RRAD: variants seen among roughly 807,000 people sequenced by gnomAD.
RRAD encodes the protein GTP-binding protein RAD.
Under a neutral mutation model 24.7 loss-of-function variants are expected in RRAD, and 15 were observed. The observed-to-expected ratio is 0.61, with a 90% CI of 0.41 to 0.93. The LOEUF (loss-of-function observed/expected upper bound fraction) is 0.93. Among genes scored for constraint, RRAD ranks in the 40% least tolerant of loss-of-function variants. The pLI is 0.00. For missense variants in RRAD, 438 were observed against 452.2 expected (o/e 0.97, Z 0.29); for synonymous variants, 180 against 189.8 (o/e 0.95, Z 0.43).
At position 66,923,051 on chromosome 16, in the gene RRAD, C is replaced by T. The variant is rs542793225; in HGVS notation, c.649+465G>A. Among the ~76,000 whole-genome samples the T allele has an allele frequency of 7.2e-5, 11 of 152,288 alleles. No homozygotes were observed. Among genetic ancestry groups the T allele is most frequent in the Admixed American group, 1.3e-4 (2 of 15,302 alleles). On this transcript the variant is annotated intron_variant, in intron 4 of 4. Transcript: ENST00000299759. This position sits in a 1 kb window ranked among gnomAD's most constrained non-coding sequence, Gnocchi z 4.9. Reference sequence around the variant, plus strand: ...TGAATGATCCAGTGGACTGGGGTTGCGGAGGCAAGGTCACCAAGTCACTGC... The same window carrying T: ...TGAATGATCCAGTGGACTGGGGTTGTGGAGGCAAGGTCACCAAGTCACTGC...
In RRAD at chr16:66,923,173, T is replaced by G. The variant is rs1962940826; in HGVS notation, c.649+343A>C. 6.6e-6 allele frequency among the ~76,000 whole-genome samples: 1 copy of G among 152,056 alleles called. No homozygotes were observed. Among genetic ancestry groups the G allele is most frequent in the Admixed American group, 6.5e-5 (1 of 15,270 alleles). ...CCCAGGGCCAAGTCTACTCTAAGAA[T>G]GGCCCAGACCTAGCACACAGGCTCT... On this transcript the variant is annotated intron_variant, in intron 4 of 4. Transcript: ENST00000299759. The surrounding 1 kb of genome is among the most constrained non-coding windows in gnomAD (Gnocchi z 4.9).
chr16:66,923,640 G>A lies in RRAD; in HGVS notation c.525C>T (p.Gly175=). Residue 175 remains glycine, a synonymous_variant, in exon 4 of 5, where the codon GGC becomes GGT. Transcript: ENST00000299759. The surrounding 1 kb of genome is among the most constrained non-coding windows in gnomAD (Gnocchi z 4.9). ...GCAGTTCTGAGGCCTTCTCGAAGCT[G>A]CCCTTGTCCGTCACTGAGTACACAA... The part of the protein sequence containing the change: ...YVIVYSVTDK[G]SFEKASELRV... 2 of 1,614,068 alleles carry A rather than the reference G, an allele frequency of 1.2e-6. No homozygotes were observed. The highest frequency in any genetic ancestry group is 1.7e-6 in the Non-Finnish European group (2 of 1,180,034).
In RRAD at chr16:66,921,754, T is replaced by C. The variant is rs1159013385; in HGVS notation, c.*322A>G. 3 of 308,220 alleles carry C rather than the reference T, an allele frequency of 9.7e-6. No homozygotes were observed. The East Asian group carries it at 1.7e-4, about 17-fold the overall frequency. 19.1% of individuals were successfully genotyped at this position (308,220 alleles called of 1,614,324 possible). Reference sequence around the variant, plus strand: ...TAGCTACCGCACTGAAGAGCCTCCCTCCAGGGCAGGCACACCCGGGCTGTG... The same window carrying C: ...TAGCTACCGCACTGAAGAGCCTCCCCCCAGGGCAGGCACACCCGGGCTGTG... On this transcript the variant is annotated 3_prime_UTR_variant, in exon 5 of 5. Transcript: ENST00000299759.
At position 66,922,002 on chromosome 16, in the gene RRAD, C is replaced by T; in HGVS notation, c.*74G>A. Reference sequence around the variant, plus strand: ...CCCAGAGTCTGAGCCTGCTCTGAGGCACCCGGGGCAGTTGGCTGGGCCAGC... The same window carrying T: ...CCCAGAGTCTGAGCCTGCTCTGAGGTACCCGGGGCAGTTGGCTGGGCCAGC... On this transcript the variant is annotated 3_prime_UTR_variant, in exon 5 of 5. Coordinates refer to ENST00000299759, the MANE Select transcript of RRAD (RefSeq NM_004165.3). The T allele has an allele frequency of 7.1e-7, 1 of 1,403,902 alleles. No homozygotes were observed. Among genetic ancestry groups the T allele is most frequent in the African/African-American group, 1.4e-5 (1 of 70,204 alleles). The allele number at this position is 1,403,902 out of a possible 1,614,324, so 87.0% of individuals were successfully genotyped here.
At position 66,925,285 on chromosome 16, in the gene RRAD, T is replaced by A; in HGVS notation, c.-15-91A>T. On this transcript the variant is annotated intron_variant, in intron 1 of 4. Coordinates refer to ENST00000299759, the MANE Select transcript of RRAD (RefSeq NM_004165.3). This position sits in a 1 kb window ranked among gnomAD's most constrained non-coding sequence, Gnocchi z 5.2. The stretch of plus-strand genomic sequence containing the variant: ...CCCAACCCGGAGTCAGGCGGGATGC[T>A]CCGGCCGAGGTCCCGCCGCAGCCCT... 2 of 1,107,304 alleles carry A rather than the reference T, an allele frequency of 1.8e-6. No homozygotes were observed. Among genetic ancestry groups the A allele is most frequent in the Non-Finnish European group, 2.3e-6 (2 of 885,530 alleles). 68.6% of individuals were successfully genotyped at this position (1,107,304 alleles called of 1,614,324 possible). A position where few individuals can be genotyped will look rare whatever the true frequency, so the allele number is the denominator to read the frequency against.
Position 66,921,759 on chromosome 16 carries a change from G to A in RRAD, c.*317C>T, listed in dbSNP as rs1038663121. 3.1e-6 allele frequency: 1 copy of A among 317,596 alleles called. No homozygotes were observed. The highest frequency in any genetic ancestry group is 2.1e-5 in the African/African-American group (1 of 47,202). 19.7% of individuals were successfully genotyped at this position (317,596 alleles called of 1,614,324 possible). A position where few individuals can be genotyped will look rare whatever the true frequency, so the allele number is the denominator to read the frequency against. On this transcript the variant is annotated 3_prime_UTR_variant, in exon 5 of 5. Transcript: ENST00000299759. ...ACCGCACTGAAGAGCCTCCCTCCAGGGCAGGCACACCCGGGCTGTGAAAAA... is the reference window on the plus strand; with the variant it reads ...ACCGCACTGAAGAGCCTCCCTCCAGAGCAGGCACACCCGGGCTGTGAAAAA...
rs767755675 is a variant in RRAD, at chr16:66,923,771, C to A, written c.445-51G>T. ...CCCAACAGTCCTCATGCCCCCGACA[C>A]GAGCCTGGCACTCCCAGACCTCTAA... On this transcript the variant is annotated intron_variant, in intron 3 of 4. Coordinates refer to ENST00000299759, the MANE Select transcript of RRAD (RefSeq NM_004165.3). This position sits in a 1 kb window ranked among gnomAD's most constrained non-coding sequence, Gnocchi z 4.9. 3.1e-6 allele frequency: 5 copies of A among 1,610,988 alleles called. No individual in the cohort carries two copies. In the African/African-American group the frequency reaches 6.7e-5, roughly 22 times the overall value.
At position 66,924,526 on chromosome 16, in the gene RRAD, G is replaced by C. The variant is rs1332867634; in HGVS notation, c.370+284C>G. On this transcript the variant is annotated intron_variant, in intron 2 of 4. Transcript: ENST00000299759. This position sits in a 1 kb window ranked among gnomAD's most constrained non-coding sequence, Gnocchi z 4.2. The stretch of plus-strand genomic sequence containing the variant: ...CTAAAAACACAAATATTAGCCGGGC[G>C]TGGTAGCAGGCGCCTGTAATCCTAG... Among the ~76,000 whole-genome samples, 1 of 152,110 alleles carries C rather than the reference G, an allele frequency of 6.6e-6. No individual in the cohort carries two copies. Among genetic ancestry groups the C allele is most frequent in the Non-Finnish European group, 1.5e-5 (1 of 68,028 alleles).
rs750608953 is a variant in RRAD, at chr16:66,922,141, G to A, written c.862C>T (p.Arg288Cys). Residue 288 changes from arginine (R) to cysteine (C), a missense_variant, in exon 5 of 5, where the codon CGT becomes TGT. Arg to Cys is a radical substitution (Grantham distance 180, BLOSUM62 -3). Transcript: ENST00000299759. ...CGAAAGGCCATCTTGCGGCTGTTAC[G>A]AGCTACGATGCGGCCCAAGAAGCGC... ...AKRFLGRIVA[R>C]NSRKMAFRAK... is the part of the protein sequence containing the mutation. 6 of 1,613,624 alleles carry A rather than the reference G, an allele frequency of 3.7e-6. No homozygotes were observed. The highest frequency in any genetic ancestry group is 1.1e-5 in the South Asian group (1 of 91,078).
In RRAD at chr16:66,921,867, T is replaced by A. The variant is rs916737043; in HGVS notation, c.*209A>T. On this transcript the variant is annotated 3_prime_UTR_variant, in exon 5 of 5. Coordinates refer to ENST00000299759, the MANE Select transcript of RRAD (RefSeq NM_004165.3). ...GGACGCATATGAGCCTGCGCATGCA[T>A]CTCTGTGGGCCCAGCCCTCACTGGC... 1.8e-6 allele frequency: 1 copy of A among 557,494 alleles called. No individual in the cohort carries two copies. The highest frequency in any genetic ancestry group is 2.6e-5 in the South Asian group (1 of 37,890). 34.5% of individuals were successfully genotyped at this position (557,494 alleles called of 1,614,324 possible).
rs770649589 is a variant in RRAD, at chr16:66,924,932, C to T, written c.248G>A (p.Gly83Glu). The change falls in exon 2 of 5, where the codon GGG becomes GAG. Residue 83 changes from glycine to glutamate, a missense_variant. Physicochemically the swap from Gly to Glu is moderately conservative, Grantham distance 98 (BLOSUM62 -2). Transcript: ENST00000299759. The surrounding 1 kb of genome is among the most constrained non-coding windows in gnomAD (Gnocchi z 4.2). Reference sequence around the variant, plus strand: ...AACGCTCTCGTCTGAGTCGCTGCCCCCTGAGCTGAGCGAGTCCTCGGAGTC... The same window carrying T: ...AACGCTCTCGTCTGAGTCGCTGCCCTCTGAGCTGAGCGAGTCCTCGGAGTC... ...PEDSEDSLSSGGSDSDESVYK... is the reference protein window; with the variant it reads ...PEDSEDSLSSEGSDSDESVYK... 13 of 1,567,242 alleles carry T rather than the reference C, an allele frequency of 8.3e-6. No individual in the cohort carries two copies. The highest frequency in any genetic ancestry group is 1.1e-5 in the Non-Finnish European group (13 of 1,162,406).
chr16:66,922,445 T>A, intron 4 of RRAD, 92 bp from the exon 5 acceptor site: 1 of 1,359,446 alleles, frequency 7.4e-7, no homozygotes, highest in Non-Finnish European at 1.0e-6. Flanking sequence ...AAGCTGCCAC[T>A]CGAGAATTTG....
In RRAD at chr16:66,922,156, C is replaced by G. The variant is rs150765557; in HGVS notation, c.847G>C (p.Gly283Arg). 113 of 1,614,028 alleles carry G rather than the reference C, an allele frequency of 7.0e-5. No individual in the cohort carries two copies. The highest frequency in any genetic ancestry group is 1.6e-4 in the Middle Eastern group (1 of 6,084). The change falls in exon 5 of 5, where the codon GGC becomes CGC. Residue 283 changes from glycine (G) to arginine (R), a missense_variant. Gly to Arg is a moderately radical substitution (Grantham distance 125, BLOSUM62 -2). Transcript: ENST00000299759. ...SLGKKAKRFL[G>R]RIVARNSRKM... Reference sequence around the variant, plus strand: ...CGGCTGTTACGAGCTACGATGCGGCCCAAGAAGCGCTTCGCCTTTTTGCCA... The same window carrying G: ...CGGCTGTTACGAGCTACGATGCGGCGCAAGAAGCGCTTCGCCTTTTTGCCA...
Position 66,924,735 on chromosome 16 carries a change from G to A in RRAD, c.370+75C>T. 3 of 1,164,838 alleles carry A rather than the reference G, an allele frequency of 2.6e-6. No homozygotes were observed. The highest frequency in any genetic ancestry group is 3.4e-6 in the Non-Finnish European group (3 of 895,212). 72.2% of individuals were successfully genotyped at this position (1,164,838 alleles called of 1,614,324 possible). A position where few individuals can be genotyped will look rare whatever the true frequency, so the allele number is the denominator to read the frequency against. Reference sequence around the variant, plus strand: ...ACAACTATAATTCCACGGTATTTGCGGCTTTGAGTACCGGTCTCAGCCCCT... The same window carrying A: ...ACAACTATAATTCCACGGTATTTGCAGCTTTGAGTACCGGTCTCAGCCCCT... On this transcript the variant is annotated intron_variant, in intron 2 of 4. Transcript: ENST00000299759. The surrounding 1 kb of genome is among the most constrained non-coding windows in gnomAD (Gnocchi z 4.2).
chr16:66,921,910 C>T lies in RRAD; in HGVS notation c.*166G>A. On this transcript the variant is annotated 3_prime_UTR_variant, in exon 5 of 5. Coordinates refer to ENST00000299759, the MANE Select transcript of RRAD (RefSeq NM_004165.3). ...TCACTGGCCCCTGAGAGCCACTTCG[C>T]AGGGCAGCACTGTCTATCTGTCCAT... is the stretch of plus-strand genomic sequence containing the variant. The T allele has an allele frequency of 1.6e-6, 1 of 614,118 alleles. No homozygotes were observed. Among genetic ancestry groups the T allele is most frequent in the South Asian group, 2.3e-5 (1 of 44,186 alleles). 38.0% of individuals were successfully genotyped at this position (614,118 alleles called of 1,614,324 possible).
At position 66,923,523 on chromosome 16, in the gene RRAD, C is replaced by T. The variant is rs372336036; in HGVS notation, c.642G>A (p.Ser214=). 1.1e-5 allele frequency: 18 copies of T among 1,605,486 alleles called. No homozygotes were observed. The highest frequency in any genetic ancestry group is 4.4e-5 in the South Asian group (4 of 90,962). Residue 214 remains serine, a synonymous_variant, in exon 4 of 5, where the codon TCG becomes TCA. Transcript: ENST00000299759. The surrounding 1 kb of genome is among the most constrained non-coding windows in gnomAD (Gnocchi z 4.9). Reference sequence around the variant, plus strand: ...AACCTGCCGCCTACTCACCATCCACCGAGACCTCACGAGAGCGCACCAGGT... The same window carrying T: ...AACCTGCCGCCTACTCACCATCCACTGAGACCTCACGAGAGCGCACCAGGT... ...KSDLVRSREV[S]VDEGRACAVV... is the part of the protein sequence containing the mutation.
In RRAD at chr16:66,923,733, C is replaced by A. The variant is rs373480272; in HGVS notation, c.445-13G>T. Reference sequence around the variant, plus strand: ...AGCGGCCCCCGTCCTGGAGAACACACAACACACATCTGCCCAACAGTCCTC... The same window carrying A: ...AGCGGCCCCCGTCCTGGAGAACACAAAACACACATCTGCCCAACAGTCCTC... On this transcript the variant is annotated splice_polypyrimidine_tract_variant and intron_variant, in intron 3 of 4. Transcript: ENST00000299759. The surrounding 1 kb of genome is among the most constrained non-coding windows in gnomAD (Gnocchi z 4.9). 67 of 1,613,936 alleles carry A rather than the reference C, an allele frequency of 4.2e-5. No homozygotes were observed. The African/African-American group carries it at 8.5e-4, about 21-fold the overall frequency.
Position 66,923,472 on chromosome 16 carries a change from C to T in RRAD, c.649+44G>A. On this transcript the variant is annotated intron_variant, in intron 4 of 4. Coordinates refer to ENST00000299759, the MANE Select transcript of RRAD (RefSeq NM_004165.3). This position sits in a 1 kb window ranked among gnomAD's most constrained non-coding sequence, Gnocchi z 4.9. ...TGAGCCAAGACTGCCTGGATCAGGG[C>T]CCAGCTGGGCTCTCCCTCCCCCTGC... 6.6e-7 allele frequency: 1 copy of T among 1,510,570 alleles called. No individual in the cohort carries two copies. Among genetic ancestry groups the T allele is most frequent in the Non-Finnish European group, 9.0e-7 (1 of 1,107,628 alleles). 93.6% of individuals were successfully genotyped at this position (1,510,570 alleles called of 1,614,324 possible).
chr16:66,925,165 G>A lies in RRAD; in HGVS notation c.15C>T (p.Gly5=), dbSNP rs1205945317. The change falls in exon 2 of 5, where the codon GGC becomes GGT. Residue 5 remains glycine (G), a synonymous_variant. Coordinates refer to ENST00000299759, the MANE Select transcript of RRAD (RefSeq NM_004165.3). This position sits in a 1 kb window ranked among gnomAD's most constrained non-coding sequence, Gnocchi z 5.2. MTLN[G]GGSGAGGSRG... is the part of the protein sequence containing the mutation. ...GGCTCCCGCCCGCTCCGCTGCCGCCGCCGTTCAGGGTCATCGCGTCCGGGA... is the reference window on the plus strand; with the variant it reads ...GGCTCCCGCCCGCTCCGCTGCCGCCACCGTTCAGGGTCATCGCGTCCGGGA... The A allele has an allele frequency of 2.4e-6, 3 of 1,237,178 alleles. No individual in the cohort carries two copies. The highest frequency in any genetic ancestry group is 3.1e-5 in the East Asian group (1 of 31,964). The allele number at this position is 1,237,178 out of a possible 1,614,324, so 76.6% of individuals were successfully genotyped here.
Sources: allele counts gnomAD v4.1 joint callset (sites outside exome capture counted in the v4.1 genomes callset), GRCh38; gene constraint gnomAD v4.1.1; non-coding constraint Gnocchi (gnomAD v3.1); transcripts MANE v1.5; gene names NCBI Gene and HGNC (gene_info 2026-07-23, HGNC 2026-07-21).